LARP4B: variants seen among roughly 807,000 people sequenced by gnomAD.
LARP4B encodes the protein La ribonucleoprotein 4B.
LARP4B carries 12 observed loss-of-function variants against 89.8 expected under a neutral mutation model. The observed-to-expected ratio is 0.13, with a 90% CI of 0.09 to 0.22. The LOEUF is 0.22. LARP4B is among the 10% of genes least tolerant of loss of function. LARP4B has a pLI of 1.00. For synonymous variants in LARP4B, 367 were observed against 363.3 expected (o/e 1.01, Z -0.12); for missense variants, 757 against 947.7 (o/e 0.80, Z 2.64).
chr10:847,819 G>A (rs181412845), intron 5 of LARP4B, among the ~76,000 whole-genome samples: 98 of 152,276 alleles, frequency 6.4e-4, no homozygotes, highest in African/African-American at 2.3e-3. Flanking sequence ...GTGAGCCACC[G>A]TGCCCAGCTT....
intron 1 of LARP4B, among the ~76,000 whole-genome samples, chr10:929,224 AAAAAACAAAACAAAAAAACAAAAAC>A (rs1837233365): frequency 6.6e-6 from 1 of 151,916 alleles, no homozygotes; most frequent in South Asian, 2.1e-4. Flanking sequence ...AACAAGCCAA[AAAAAACAAAACAAAAAAACAAAAAC>A]AAAAACAAAA....
At chr10:930,913 C>A (rs1837282724) in intron 1 of LARP4B, among the ~76,000 whole-genome samples, 1 of 151,130 alleles carries the variant, frequency 6.6e-6, no homozygotes, top group African/African-American at 2.4e-5. Flanking sequence ...GCTGGCGCCG[C>A]ACTGCGGGTG....
chr10:866,489 G>T (rs1834902342), intron 3 of LARP4B, among the ~76,000 whole-genome samples: 1 of 152,198 alleles, frequency 6.6e-6, no homozygotes, highest in African/African-American at 2.4e-5. Context: ...TACATGAGGG[G>T]GCAGGAGACA....
In LARP4B at chr10:814,891, C is replaced by A. The variant is rs755221561; in HGVS notation, c.1821-41G>T. Reference sequence around the variant, plus strand: ...CCGATATTTGAATCTCATGCAACATCACAGGCCATTCAAGTCAGTCAACAC... The same window carrying A: ...CCGATATTTGAATCTCATGCAACATAACAGGCCATTCAAGTCAGTCAACAC... On this transcript the variant is annotated intron_variant, in intron 16 of 17. Transcript: ENST00000316157. This position sits in a 1 kb window ranked among gnomAD's most constrained non-coding sequence, Gnocchi z 4.4. 1 of 1,579,818 alleles carries A rather than the reference C, an allele frequency of 6.3e-7. No homozygotes were observed. Among genetic ancestry groups the A allele is most frequent in the South Asian group, 1.2e-5 (1 of 86,702 alleles).
At chr10:973,602 C>T in the LARP4B span, among the ~76,000 whole-genome samples, 12 of 152,074 alleles carry the variant, frequency 7.9e-5, no homozygotes, top group Non-Finnish European at 1.3e-4. Flanking sequence ...CTCCCTGCCT[C>T]GGCCTCCCAA....
At chr10:957,233 G>A in the LARP4B span, among the ~76,000 whole-genome samples, 1 of 152,148 alleles carries the variant, frequency 6.6e-6, no homozygotes, top group East Asian at 1.9e-4. Flanking sequence ...CACAATCTCA[G>A]CTCACTGCAA....
chr10:825,417 G>T, intron 12 of LARP4B, 101 bp from the exon 13 acceptor site: 1 of 1,120,038 alleles, frequency 8.9e-7, no homozygotes, highest in Non-Finnish European at 1.3e-6. Flanking sequence ...TCTGCTCTCT[G>T]TTTAATAAAG....
the LARP4B span, among the ~76,000 whole-genome samples, chr10:965,441 C>T: frequency 8.5e-5 from 13 of 152,268 alleles, no homozygotes; most frequent in Admixed American, 3.9e-4. Flanking sequence ...CGCTCCCCCC[C>T]GTTTCTCGGT....
chr10:821,448 C>T (rs903061921), intron 13 of LARP4B, among the ~76,000 whole-genome samples: 1 of 152,166 alleles, frequency 6.6e-6, no homozygotes. Flanking sequence ...AGCAAGGCCA[C>T]GCCACACACG....
chr10:865,513 C>T (rs1383647171), intron 3 of LARP4B, among the ~76,000 whole-genome samples: 1 of 152,138 alleles, frequency 6.6e-6, no homozygotes, highest in Admixed American at 6.5e-5. Context: ...CACTGACCTC[C>T]TTGCTGTCTC....
At chr10:847,809 G>T (rs139460696) in intron 5 of LARP4B, among the ~76,000 whole-genome samples, 1 of 152,158 alleles carries the variant, frequency 6.6e-6, no homozygotes, top group East Asian at 1.9e-4. Context: ...GATTCCAGGC[G>T]TGAGCCACCG....
chr10:932,300 G>C (rs1308935374), upstream of LARP4B, among the ~76,000 whole-genome samples: 25 of 43,884 alleles, frequency 5.7e-4, no homozygotes, highest in Admixed American at 1.4e-3. Flanking sequence ...GGCCCTGCCC[G>C]GAACACCTCA....
chr10:982,092 T>G, the LARP4B span, among the ~76,000 whole-genome samples: 1 of 98,072 alleles, frequency 1.0e-5, no homozygotes. Context: ...AACCTATAGC[T>G]TTTTTTTCTT....
At chr10:949,249 C>T in the LARP4B span, among the ~76,000 whole-genome samples, 10 of 151,836 alleles carry the variant, frequency 6.6e-5, no homozygotes, top group African/African-American at 1.9e-4. Context: ...CCCACCAGCC[C>T]CGCGTGAGTG....
the LARP4B span, among the ~76,000 whole-genome samples, chr10:945,666 C>G: frequency 3.5e-5 from 5 of 143,564 alleles, no homozygotes; most frequent in Non-Finnish European, 6.0e-5. Context: ...CCAGCCTGGG[C>G]AACAGAGCGA....
In LARP4B at chr10:828,790, T is replaced by C. The variant is rs191698324; in HGVS notation, c.1125+595A>G. On this transcript the variant is annotated intron_variant, in intron 11 of 17. Transcript: ENST00000316157. ...ACATGCTCATCCGTGTATTGCTGAC[T>C]CTCGTGCATCCAATGCCACCAAACT... is the stretch of plus-strand genomic sequence containing the variant. 6.6e-5 allele frequency among the ~76,000 whole-genome samples: 10 copies of C among 152,298 alleles called. No individual in the cohort carries two copies. In the East Asian group the frequency reaches 1.9e-3, roughly 29 times the overall value.
At chr10:967,280 A>G in the LARP4B span, among the ~76,000 whole-genome samples, 8 of 152,330 alleles carry the variant, frequency 5.3e-5, no homozygotes, top group South Asian at 1.7e-3. Context: ...AAATGCTAGA[A>G]TTTACATCCT....
chr10:930,575 C>T (rs924475955), intron 1 of LARP4B, among the ~76,000 whole-genome samples: 1 of 152,170 alleles, frequency 6.6e-6, no homozygotes, highest in Non-Finnish European at 1.5e-5. Flanking sequence ...CGCACAACGG[C>T]ACTGAAACGG....
chr10:935,549 A>T (rs963329540), upstream of LARP4B, among the ~76,000 whole-genome samples: 7 of 152,126 alleles, frequency 4.6e-5, no homozygotes, highest in Admixed American at 4.6e-4. Context: ...TTCAGCTGAC[A>T]CTACTGTCAT....
Sources: allele counts gnomAD v4.1 joint callset (sites outside exome capture counted in the v4.1 genomes callset), GRCh38; gene constraint gnomAD v4.1.1; non-coding constraint Gnocchi (gnomAD v3.1); transcripts MANE v1.5; gene names NCBI Gene and HGNC (gene_info 2026-07-23, HGNC 2026-07-21).